DNAJC1: variants seen among roughly 807,000 people sequenced by gnomAD.
The protein encoded by DNAJC1 is DnaJ heat shock protein family (Hsp40) member C1.
DNAJC1 carries 58 observed loss-of-function variants against 76.6 expected under a neutral mutation model. The ratio of observed to expected loss-of-function variants is 0.76; its 90% confidence interval spans 0.61 to 0.94. The LOEUF (loss-of-function observed/expected upper bound fraction) is 0.94, where lower values mean the gene tolerates loss of function less well. DNAJC1 is among the 40% of genes least tolerant of loss of function. The pLI is 0.00. For missense variants in DNAJC1, 689 were observed against 677.3 expected, an observed-to-expected ratio of 1.02 and a Z score of -0.19; for synonymous variants, 258 against 267.9, an observed-to-expected ratio of 0.96 and a Z score of 0.36.
chr10:21,864,751 C>T (rs1438944414), intron 8 of DNAJC1, among the ~76,000 whole-genome samples: 1 of 151,970 alleles, frequency 6.6e-6, no homozygotes, highest in Non-Finnish European at 1.5e-5. Context: ...ATTGAACATA[C>T]AGATTAAAAA....
intron 1 of DNAJC1, among the ~76,000 whole-genome samples, chr10:21,936,471 A>C (rs1160691770): frequency 6.6e-6 from 1 of 152,242 alleles, no homozygotes; most frequent in Non-Finnish European, 1.5e-5. Flanking sequence ...TACATAAGGC[A>C]GTAATTATAA....
At position 21,759,376 on chromosome 10, in the gene DNAJC1, T is replaced by A. The variant is rs750026687; in HGVS notation, c.1390A>T (p.Arg464Ter). ...TCAAAGTCCTTCTGCCGCTTGGCTC[T>A]GGACTTCTCCTCTGGCTCCGGCTTC... ...TAKPEPEEKS[R>*]AKRQKDFDIA... The change falls in exon 11 of 12, where the codon AGA becomes TGA. Residue 464 changes from arginine (R) to a stop codon, truncating the protein, a stop_gained. Coordinates refer to ENST00000376980, the MANE Select transcript of DNAJC1 (RefSeq NM_022365.4). LOFTEE classifies it high-confidence loss of function. 12 of 1,614,228 alleles carry A rather than the reference T, an allele frequency of 7.4e-6. No homozygotes were observed. Among genetic ancestry groups the A allele is most frequent in the Admixed American group, 1.7e-5 (1 of 60,032 alleles).
At chr10:21,866,134 CA>C (rs1306930222) in intron 8 of DNAJC1, among the ~76,000 whole-genome samples, 1,792 of 34,034 alleles carry the variant, frequency 0.053, 13 homozygotes, top group African/African-American at 0.095. Flanking sequence ...GACTTCAACT[CA>C]AAAAAAAAAA....
In DNAJC1 at chr10:21,763,174, G is replaced by A. The variant is rs527755842; in HGVS notation, c.1147+3087C>T. On this transcript the variant is annotated intron_variant, in intron 10 of 11. Transcript: ENST00000376980. Reference sequence around the variant, plus strand: ...TCGAACTCCTGACCTCAGGTGATCCGCCCATCTTGGCCTCCCAAAGTGTCA... The same window carrying A: ...TCGAACTCCTGACCTCAGGTGATCCACCCATCTTGGCCTCCCAAAGTGTCA... Among the ~76,000 whole-genome samples, 164 of 152,192 alleles carry A rather than the reference G, an allele frequency of 1.1e-3. 2 individuals carry two copies. Among genetic ancestry groups the A allele is most frequent in the African/African-American group, 3.4e-3 (141 of 41,526 alleles).
chr10:21,872,885 G>T (rs1043203712), intron 8 of DNAJC1, among the ~76,000 whole-genome samples: 7 of 152,136 alleles, frequency 4.6e-5, no homozygotes, highest in African/African-American at 1.7e-4. Context: ...CCCAATTTCT[G>T]CCTCCAAAGA....
intron 9 of DNAJC1, among the ~76,000 whole-genome samples, chr10:21,769,301 C>T (rs942058760): frequency 3.3e-5 from 5 of 152,178 alleles, no homozygotes; most frequent in Non-Finnish European, 5.9e-5. Flanking sequence ...ACTTCACCTA[C>T]GTAACATTAA....
chr10:21,961,874 T>C (rs1320643321), intron 1 of DNAJC1, among the ~76,000 whole-genome samples: 1 of 152,138 alleles, frequency 6.6e-6, no homozygotes, highest in Admixed American at 6.5e-5. Context: ...CCATCACTTT[T>C]CCTCTAACTT....
At chr10:21,978,046 T>C (rs1043478155) in intron 1 of DNAJC1, among the ~76,000 whole-genome samples, 7 of 152,130 alleles carry the variant, frequency 4.6e-5, no homozygotes, top group Non-Finnish European at 7.4e-5. Flanking sequence ...TTGACTTATT[T>C]TGTAATTTAG....
At chr10:21,945,814 T>C (rs1158162900) in intron 1 of DNAJC1, among the ~76,000 whole-genome samples, 3 of 152,138 alleles carry the variant, frequency 2.0e-5, no homozygotes, top group Non-Finnish European at 4.4e-5. Context: ...GTACATGAAA[T>C]GGAGATAGGA....
intron 7 of DNAJC1, among the ~76,000 whole-genome samples, chr10:21,903,156 T>C (rs925420162): frequency 6.6e-6 from 1 of 152,126 alleles, no homozygotes; most frequent in Admixed American, 6.5e-5. Flanking sequence ...TGACCTCAGG[T>C]GATCCGCCCG....
At chr10:21,765,788 G>A (rs1160092400) in intron 10 of DNAJC1, among the ~76,000 whole-genome samples, 1 of 152,144 alleles carries the variant, frequency 6.6e-6, no homozygotes, top group Non-Finnish European at 1.5e-5. Context: ...AGGTTGCAGT[G>A]AGCCGAGATT....
At chr10:21,786,157 G>C (rs1462337218) in intron 9 of DNAJC1, among the ~76,000 whole-genome samples, 1 of 151,904 alleles carries the variant, frequency 6.6e-6, no homozygotes, top group East Asian at 1.9e-4. Context: ...AAGATTTTTA[G>C]ATGTTCACGG....
intron 8 of DNAJC1, chr10:21,865,532 G>C (rs548220897): frequency 1.3e-5 from 2 of 152,182 alleles, no homozygotes; most frequent in Admixed American, 1.3e-4. Flanking sequence ...CATGATAATA[G>C]AAAGCAGATC....
chr10:21,923,830 C>G (rs941370520), intron 3 of DNAJC1, among the ~76,000 whole-genome samples: 1 of 151,638 alleles, frequency 6.6e-6, no homozygotes, highest in African/African-American at 2.4e-5. Flanking sequence ...CACTGAAAAA[C>G]AAATCTAAAA....
intron 7 of DNAJC1, among the ~76,000 whole-genome samples, chr10:21,890,973 C>T (rs1234960113): frequency 6.6e-6 from 1 of 152,082 alleles, no homozygotes; most frequent in Non-Finnish European, 1.5e-5. Context: ...GGCAGATCAC[C>T]TGAGGTCAGG....
chr10:21,830,042 G>A (rs938606796), intron 8 of DNAJC1, among the ~76,000 whole-genome samples: 7 of 152,078 alleles, frequency 4.6e-5, no homozygotes, highest in African/African-American at 1.2e-4. Context: ...ATCCTAAAAT[G>A]TTTCTGATTT....
chr10:21,872,350 G>A (rs183447571), intron 8 of DNAJC1, among the ~76,000 whole-genome samples: 12 of 152,242 alleles, frequency 7.9e-5, no homozygotes, highest in Non-Finnish European at 1.2e-4. Flanking sequence ...GATTACAGGC[G>A]TGAGCCACCG....
intron 1 of DNAJC1, among the ~76,000 whole-genome samples, chr10:21,979,495 T>C (rs1001008773): frequency 3.3e-5 from 5 of 152,048 alleles, no homozygotes; most frequent in Non-Finnish European, 5.9e-5. Flanking sequence ...TGAGTGCTTA[T>C]AAGGTTCCAC....
At chr10:21,978,511 G>A (rs1225614564) in intron 1 of DNAJC1, among the ~76,000 whole-genome samples, 1 of 152,080 alleles carries the variant, frequency 6.6e-6, no homozygotes, top group Admixed American at 6.6e-5. Flanking sequence ...AGCACACACA[G>A]GCCTAGTATT....
Sources: gnomAD v4.1 joint callset for allele counts (sites outside exome capture counted in the v4.1 genomes callset) on GRCh38, gnomAD v4.1.1 for gene constraint, MANE v1.5 for transcripts, NCBI Gene and HGNC (gene_info 2026-07-23, HGNC 2026-07-21) for gene names.